OSBP: variants seen among roughly 807,000 people sequenced by gnomAD.
OSBP encodes oxysterol-binding protein 1.
OSBP carries 32 observed loss-of-function variants against 96.6 expected under a neutral mutation model. The observed-to-expected ratio is 0.33, with a 90% CI of 0.25 to 0.45. The LOEUF (loss-of-function observed/expected upper bound fraction) is 0.45. OSBP is among the 20% of genes least tolerant of loss of function. The pLI, the probability that OSBP is intolerant of heterozygous loss-of-function variation, is 1.00. For synonymous variants in OSBP, 369 were observed against 389.6 expected, an observed-to-expected ratio of 0.95 and a Z score of 0.62; for missense variants, 653 against 1,029.7, an observed-to-expected ratio of 0.63 and a Z score of 5.01.
chr11:59,607,069 A>G (rs1860788496), intron 3 of OSBP, among the ~76,000 whole-genome samples: 1 of 152,220 alleles, frequency 6.6e-6, no homozygotes, highest in African/African-American at 2.4e-5. Context: ...TTATAAAGGG[A>G]TGCTTTACTT....
At chr11:59,577,110 G>A (rs1302820711) in intron 12 of OSBP, 85 bp from the exon 13 acceptor site, 1 of 1,043,840 alleles carries the variant, frequency 9.6e-7, no homozygotes, top group East Asian at 2.4e-5. Context: ...CACTGCCAAG[G>A]CCACATCACC....
At position 59,576,464 on chromosome 11, in the gene OSBP, A is replaced by C; in HGVS notation, c.*113T>G. On this transcript the variant is annotated 3_prime_UTR_variant, in exon 14 of 14. Transcript: ENST00000263847. The stretch of plus-strand genomic sequence containing the variant: ...ATTGATTTGGAAAAAATGATTGGTC[A>C]AGAGAGACAAACTTGAGGAAAGCAC... 1 of 1,214,892 alleles carries C rather than the reference A, an allele frequency of 8.2e-7. No homozygotes were observed. The highest frequency in any genetic ancestry group is 1.2e-6 in the Non-Finnish European group (1 of 866,134). The allele number at this position is 1,214,892 out of a possible 1,614,324, so 75.3% of individuals were successfully genotyped here. A position where few individuals can be genotyped will look rare whatever the true frequency, so the allele number is the denominator to read the frequency against.
At chr11:59,592,952 C>T (rs1169864214) in intron 9 of OSBP, among the ~76,000 whole-genome samples, 1 of 152,088 alleles carries the variant, frequency 6.6e-6, no homozygotes, top group African/African-American at 2.4e-5. Flanking sequence ...TGCACCACCA[C>T]ACCCAGCTAA....
At chr11:59,577,052 AT>A (rs1860369371) in intron 12 of OSBP, 27 bp from the exon 13 acceptor site, 1 of 1,591,488 alleles carries the variant, frequency 6.3e-7, no homozygotes, top group Non-Finnish European at 8.6e-7. Flanking sequence ...AGAAAAAGAA[AT>A]GGTAATCCCA....
Position 59,576,068 on chromosome 11 carries a change from TTGA to T in OSBP, c.*506_*508del, listed in dbSNP as rs1331703635. ...AAACCGACCCCGCGTGTGAACACAC[TTGA>T]TGATGTTATACCTAAGCTCCACTGC... On this transcript the variant is annotated 3_prime_UTR_variant, in exon 14 of 14. Coordinates refer to ENST00000263847, the MANE Select transcript of OSBP (RefSeq NM_002556.3). The T allele has an allele frequency of 6.4e-6, 1 of 155,238 alleles. No homozygotes were observed. The allele number at this position is 155,238 out of a possible 1,614,324, so 9.6% of individuals were successfully genotyped here.
rs2134647454 is a variant in OSBP at position 59,575,072 on chromosome 11, A to T, written c.*1505T>A. ...GAGAAGGAAGCCAGGGCCCCACAGG[A>T]GCAATTATCTGATCCACCCCACATG... On this transcript the variant is annotated 3_prime_UTR_variant, in exon 14 of 14. Coordinates refer to ENST00000263847, the MANE Select transcript of OSBP (RefSeq NM_002556.3). 6.6e-6 allele frequency: 1 copy of T among 152,266 alleles called. No homozygotes were observed. The highest frequency in any genetic ancestry group is 3.4e-3 in the Middle Eastern group (1 of 294). The allele number at this position is 152,266 out of a possible 1,614,324, so 9.4% of individuals were successfully genotyped here.
intron 9 of OSBP, among the ~76,000 whole-genome samples, chr11:59,592,812 T>C (rs1860602084): frequency 6.6e-6 from 1 of 151,912 alleles, no homozygotes; most frequent in South Asian, 2.1e-4. Flanking sequence ...TTTTTTTTTT[T>C]TGAGATAGAG....
At chr11:59,586,396 G>A (rs1243721355) in intron 9 of OSBP, among the ~76,000 whole-genome samples, 1 of 152,080 alleles carries the variant, frequency 6.6e-6, no homozygotes, top group Non-Finnish European at 1.5e-5. Flanking sequence ...ATTGCTGAAA[G>A]AAATTAAAGT....
chr11:59,613,869 A>T (rs1238409699), intron 1 of OSBP, among the ~76,000 whole-genome samples: 5 of 152,166 alleles, frequency 3.3e-5, no homozygotes, highest in Non-Finnish European at 5.9e-5. Flanking sequence ...TCCCACCTTC[A>T]ATTTCTCCTC....
chr11:59,586,763 A>G (rs1860504196), intron 9 of OSBP, among the ~76,000 whole-genome samples: 1 of 152,226 alleles, frequency 6.6e-6, no homozygotes, highest in Non-Finnish European at 1.5e-5. Flanking sequence ...GATTTTTGGC[A>G]AGGGTGCCAA....
At chr11:59,588,949 G>A (rs1860538713) in intron 9 of OSBP, among the ~76,000 whole-genome samples, 1 of 151,940 alleles carries the variant, frequency 6.6e-6, no homozygotes, top group African/African-American at 2.4e-5. Context: ...AGGTTGCAGT[G>A]AACCAAGATC....
At chr11:59,609,745 A>AGAAT (rs1034080413) in intron 2 of OSBP, among the ~76,000 whole-genome samples, 1 of 152,220 alleles carries the variant, frequency 6.6e-6, no homozygotes, top group Non-Finnish European at 1.5e-5. Context: ...TTTTCCTTGA[A>AGAAT]GAATAATCAA....
intron 5 of OSBP, among the ~76,000 whole-genome samples, 168 bp downstream of exon 5, chr11:59,601,115 C>CAAAA (rs11405726): frequency 1.8e-5 from 2 of 113,840 alleles, no homozygotes; most frequent in Non-Finnish European, 1.7e-5. Context: ...GATCTTGAGA[C>CAAAA]AAAAAAAAAA....
chr11:59,590,502 G>A (rs571975685), intron 9 of OSBP, among the ~76,000 whole-genome samples: 2 of 152,230 alleles, frequency 1.3e-5, no homozygotes, highest in South Asian at 2.1e-4. Flanking sequence ...TGGCAATAAA[G>A]GTGTCTATCT....
intron 1 of OSBP, among the ~76,000 whole-genome samples, chr11:59,614,013 G>C (rs1375266105): frequency 4.6e-5 from 7 of 152,118 alleles, no homozygotes; most frequent in Non-Finnish European, 7.4e-5. Context: ...TCAGTGTTTT[G>C]GGTCTCAAAG....
chr11:59,580,251 C>A lies in OSBP; in HGVS notation c.1801G>T (p.Val601Leu), dbSNP rs1210953565. 1.2e-6 allele frequency: 2 copies of A among 1,612,046 alleles called. No individual in the cohort carries two copies. Among genetic ancestry groups the A allele is most frequent in the Non-Finnish European group, 1.7e-6 (2 of 1,178,396 alleles). Residue 601 changes from valine (V) to leucine (L), a missense_variant, in exon 11 of 14, where the codon GTG becomes TTG. By Grantham distance (32) the Val-to-Leu change is conservative (BLOSUM62 1). This residue lies in a region of OSBP where 6 missense variants were observed against 26.5 expected (regional missense o/e 0.23). Coordinates refer to ENST00000263847, the MANE Select transcript of OSBP (RefSeq NM_002556.3). ...CACTTGTCTCCTGTCTTGTGATTCA[C>A]AATATCAATTTCGCCAGACTGTAAA... ...WIDQSGEIDI[V>L]NHKTGDKCNL... is the part of the protein sequence containing the mutation.
intron 7 of OSBP, among the ~76,000 whole-genome samples, chr11:59,598,005 C>T (rs1277587759): frequency 3.9e-5 from 6 of 152,074 alleles, no homozygotes; most frequent in Admixed American, 2.6e-4. Context: ...TGTGCCCAGC[C>T]GAATTTTTTA....
At chr11:59,606,969 C>T (rs577351601) in intron 3 of OSBP, among the ~76,000 whole-genome samples, 7 of 152,110 alleles carry the variant, frequency 4.6e-5, no homozygotes, top group Non-Finnish European at 5.9e-5. Context: ...TTAACACAAA[C>T]TCTGGACACT....
At chr11:59,613,777 T>C (rs1272787069) in intron 1 of OSBP, among the ~76,000 whole-genome samples, 1 of 152,234 alleles carries the variant, frequency 6.6e-6, no homozygotes, top group Admixed American at 6.5e-5. Context: ...AACTGTTGAT[T>C]AAGCAGTGAG....
Sources: gnomAD v4.1 joint callset for allele counts (sites outside exome capture counted in the v4.1 genomes callset) on GRCh38, gnomAD v4.1.1 for gene constraint, gnomAD v4.1.1 regional missense constraint, MANE v1.5 for transcripts, NCBI Gene and HGNC (gene_info 2026-07-23, HGNC 2026-07-21) for gene names.